Variants in SMC5 observed in about 807,000 individuals in gnomAD.
SMC5 encodes structural maintenance of chromosomes protein 5.
Under a neutral mutation model 148.3 loss-of-function variants are expected in SMC5, and 88 were observed. The observed-to-expected ratio is 0.59, with a 90% CI of 0.50 to 0.71. The LOEUF (loss-of-function observed/expected upper bound fraction) is 0.71, where lower values mean the gene tolerates loss of function less well. Ranked by LOEUF, SMC5 falls within the 30% of genes least tolerant of loss-of-function variation. The pLI, the probability that SMC5 is intolerant of heterozygous loss-of-function variation, is 0.00. For synonymous variants in SMC5, 421 were observed against 432.8 expected, an observed-to-expected ratio of 0.97 and a Z score of 0.34; for missense variants, 1,142 against 1,298.9, an observed-to-expected ratio of 0.88 and a Z score of 1.86.
At chr9:70,287,793 T>A (rs916817677) in intron 8 of SMC5, among the ~76,000 whole-genome samples, 1 of 152,194 alleles carries the variant, frequency 6.6e-6, no homozygotes, top group Non-Finnish European at 1.5e-5. Flanking sequence ...TATGTGATGT[T>A]GTTTCTACTT....
intron 18 of SMC5, among the ~76,000 whole-genome samples, chr9:70,345,736 G>A (rs1387661854): frequency 3.3e-5 from 5 of 152,086 alleles, no homozygotes; most frequent in Non-Finnish European, 5.9e-5. Flanking sequence ...ATGGACTCCA[G>A]TGGAGGATCT....
At chr9:70,288,697 G>A (rs1318192543) in intron 8 of SMC5, among the ~76,000 whole-genome samples, 5 of 151,882 alleles carry the variant, frequency 3.3e-5, no homozygotes, top group African/African-American at 7.2e-5. Flanking sequence ...AAATGTTTTC[G>A]TTTGAGGTTA....
chr9:70,344,154 T>C lies in SMC5; in HGVS notation c.2408T>C (p.Ile803Thr). ...SQLRLTEQHF[I>T]ELDENRQRLL... The stretch of plus-strand genomic sequence containing the variant: ...AAATTTTTTTAATAGCAACATTTCA[T>C]TGAATTGGATGAAAATAGACAGAGA... The change falls in exon 18 of 25, where the codon ATT (isoleucine) becomes ACT (threonine). Residue 803 changes from isoleucine to threonine, a missense_variant. Transcript: ENST00000361138. The C allele has an allele frequency of 6.6e-7, 1 of 1,519,898 alleles. No homozygotes were observed. Among genetic ancestry groups the C allele is most frequent in the Non-Finnish European group, 8.8e-7 (1 of 1,133,234 alleles). The allele number at this position is 1,519,898 out of a possible 1,614,324, so 94.2% of individuals were successfully genotyped here. A position where few individuals can be genotyped will look rare whatever the true frequency, so the allele number is the denominator to read the frequency against.
chr9:70,264,003 C>A (rs1212544740), intron 1 of SMC5, among the ~76,000 whole-genome samples: 2 of 152,090 alleles, frequency 1.3e-5, no homozygotes, highest in Non-Finnish European at 2.9e-5. Flanking sequence ...TGTGTAGTAT[C>A]TTTGATATAG....
At chr9:70,347,492 T>G in intron 20 of SMC5, 121 bp from the exon 21 acceptor site, 1 of 591,398 alleles carries the variant, frequency 1.7e-6, no homozygotes, top group South Asian at 2.6e-5. Context: ...CATATATTAT[T>G]TGCATACAAA....
At chr9:70,328,695 C>G (rs1323210601) in intron 17 of SMC5, among the ~76,000 whole-genome samples, 1 of 152,202 alleles carries the variant, frequency 6.6e-6, no homozygotes, top group Non-Finnish European at 1.5e-5. Flanking sequence ...GTCTGGAGGA[C>G]GGTGGCCCTC....
At chr9:70,269,651 G>A (rs1416832075) in intron 3 of SMC5, among the ~76,000 whole-genome samples, 1 of 152,108 alleles carries the variant, frequency 6.6e-6, no homozygotes, top group African/African-American at 2.4e-5. Context: ...ATTACAATGA[G>A]AGTCTCAACA....
intron 13 of SMC5, among the ~76,000 whole-genome samples, chr9:70,315,809 C>T (rs1468064434): frequency 7.2e-5 from 11 of 152,004 alleles, no homozygotes; most frequent in African/African-American, 2.7e-4. Context: ...ATACTTAATA[C>T]ATTTAGGGTA....
chr9:70,321,222 G>A (rs1212526702), intron 15 of SMC5, among the ~76,000 whole-genome samples: 1 of 152,074 alleles, frequency 6.6e-6, no homozygotes, highest in Non-Finnish European at 1.5e-5. Flanking sequence ...GAGTAATAGG[G>A]AAGGAGGAGG....
chr9:70,282,462 T>G lies in SMC5; in HGVS notation c.860T>G (p.Leu287Arg). 2 of 1,604,516 alleles carry G rather than the reference T, an allele frequency of 1.2e-6. No individual in the cohort carries two copies. The highest frequency in any genetic ancestry group is 2.3e-5 in the South Asian group (2 of 87,906). ...NVRQEYEEVKLVRDRVKEEVR... is the reference protein window; with the variant it reads ...NVRQEYEEVKRVRDRVKEEVR... ...CGTCAGGAATATGAAGAAGTAAAAC[T>G]AGTTCGTGACCGAGTGAAGGAAGAG... The change falls in exon 7 of 25, where the codon CTA becomes CGA. Residue 287 changes from leucine to arginine, a missense_variant. By Grantham distance (102) the Leu-to-Arg change is moderately radical (BLOSUM62 -2). This residue lies in a region of SMC5 where 743 missense variants were observed against 835.7 expected (regional missense o/e 0.89). Coordinates refer to ENST00000361138, the MANE Select transcript of SMC5 (RefSeq NM_015110.4).
chr9:70,277,201 A>C, intron 3 of SMC5, 109 bp from the exon 4 acceptor site: 1 of 863,782 alleles, frequency 1.2e-6, no homozygotes, highest in Non-Finnish European at 1.6e-6. Flanking sequence ...TAAAAATCAT[A>C]ATAATAATTC....
At chr9:70,292,980 T>TGGTATTAG (rs1193920136) in intron 8 of SMC5, among the ~76,000 whole-genome samples, 2 of 152,138 alleles carry the variant, frequency 1.3e-5, no homozygotes, top group Non-Finnish European at 2.9e-5. Flanking sequence ...TGCCTAGTTT[T>TGGTATTAG]GGTATTAGGA....
rs953120363 is a variant in SMC5, at chr9:70,259,006, G to C, written c.-73G>C. 4.1e-6 allele frequency: 6 copies of C among 1,476,972 alleles called. No individual in the cohort carries two copies. The East Asian group carries it at 1.5e-4, about 36-fold the overall frequency. 91.5% of individuals were successfully genotyped at this position (1,476,972 alleles called of 1,614,324 possible). A position where few individuals can be genotyped will look rare whatever the true frequency, so the allele number is the denominator to read the frequency against. On this transcript the variant is annotated 5_prime_UTR_variant, in exon 1 of 25. Transcript: ENST00000361138. Reference sequence around the variant, plus strand: ...TCGCGCGGGAGCGGGGCGCCTGGGTGGATGGGCGCTTGGGCGCCTGGGCTG... The same window carrying C: ...TCGCGCGGGAGCGGGGCGCCTGGGTCGATGGGCGCTTGGGCGCCTGGGCTG...
intron 18 of SMC5, among the ~76,000 whole-genome samples, chr9:70,345,013 GAT>G (rs1408034252): frequency 6.6e-6 from 1 of 152,016 alleles, no homozygotes; most frequent in Admixed American, 6.6e-5. Flanking sequence ...TTTATTTTAT[GAT>G]ATCAGACACA....
chr9:70,316,317 A>T (rs78152845), intron 13 of SMC5, among the ~76,000 whole-genome samples: 10,456 of 152,062 alleles, frequency 0.069, 570 homozygotes, highest in East Asian at 0.22. Context: ...AATATTTATT[A>T]AAAAATATGT....
chr9:70,264,329 C>G lies in SMC5; in HGVS notation c.211C>G (p.Pro71Ala), dbSNP rs199831056. The G allele has an allele frequency of 2.2e-5, 36 of 1,613,896 alleles. No homozygotes were observed. The East Asian group carries it at 4.7e-4, about 21-fold the overall frequency. ...FLTYDICEVSPGPHLNMIVGA... is the reference protein window; with the variant it reads ...FLTYDICEVSAGPHLNMIVGA... ...AACATATGATATTTGTGAAGTATCT[C>G]CTGGACCCCACTTGAATATGATCGT... Residue 71 changes from proline (P) to alanine (A), a missense_variant, in exon 2 of 25, where the codon CCT becomes GCT. Pro to Ala is a conservative substitution (Grantham distance 27). Around this residue, in one of 5 missense-constraint regions of SMC5, gnomAD observed 297 missense variants for 302.6 expected, o/e 0.98. Coordinates refer to ENST00000361138, the MANE Select transcript of SMC5 (RefSeq NM_015110.4).
At chr9:70,346,971 A>C in intron 19 of SMC5, 95 bp from the exon 20 acceptor site, 1 of 885,230 alleles carries the variant, frequency 1.1e-6, no homozygotes, top group Non-Finnish European at 1.8e-6. Context: ...GCTGTTGAAC[A>C]GATAGATAAC....
chr9:70,308,678 C>T (rs189898466), intron 11 of SMC5, among the ~76,000 whole-genome samples: 1 of 147,448 alleles, frequency 6.8e-6, no homozygotes, highest in Non-Finnish European at 1.5e-5. Context: ...CTATTAATGT[C>T]TCTCAACATT....
rs777712042 is a variant in SMC5, at chr9:70,278,554, A to G, written c.607A>G (p.Ile203Val). Reference protein sequence around the residue: ...IELLEATEKSIGPPEMHKYHC... With the variant: ...IELLEATEKSVGPPEMHKYHC... ...ACTCCTCGAAGCCACTGAAAAGTCA[A>G]TTGGTCCCCCAGAAATGCACAAATA... The change falls in exon 5 of 25, where the codon ATT (isoleucine) becomes GTT (valine). Residue 203 changes from isoleucine to valine, a missense_variant. Physicochemically the swap from Ile to Val is conservative, Grantham distance 29 (BLOSUM62 3). This residue lies in a region of SMC5 where 297 missense variants were observed against 302.6 expected (regional missense o/e 0.98). Transcript: ENST00000361138. 103 of 1,612,326 alleles carry G rather than the reference A, an allele frequency of 6.4e-5. 1 individual carries two copies. Among genetic ancestry groups the G allele is most frequent in the East Asian group, 3.8e-4 (17 of 44,758 alleles).
Sources: allele counts gnomAD v4.1 joint callset (sites outside exome capture counted in the v4.1 genomes callset), GRCh38; gene constraint gnomAD v4.1.1; regional missense constraint gnomAD v4.1.1; transcripts MANE v1.5; gene names NCBI Gene and HGNC (gene_info 2026-07-23, HGNC 2026-07-21).